PFKFB1: variants seen among roughly 807,000 people sequenced by gnomAD.
PFKFB1 encodes 6-phosphofructo-2-kinase/fructose-2,6-biphosphatase 1, also known as 6-phosphofructo-2-kinase/fructose-2,6-bisphosphatase 1.
PFKFB1 carries 34 observed loss-of-function variants against 46.4 expected under a neutral mutation model. That is an observed-to-expected ratio of 0.73 (90% CI 0.56 to 0.98). The LOEUF (loss-of-function observed/expected upper bound fraction) is 0.98, where lower values mean the gene tolerates loss of function less well. PFKFB1 is among the 50% of genes least tolerant of loss of function. The probability of loss-of-function intolerance (pLI) is 0.00; values close to 1 mark genes in which losing one functional copy is unlikely to be tolerated. For missense variants in PFKFB1, 393 were observed against 376.3 expected, an observed-to-expected ratio of 1.04 and a Z score of -0.37; for synonymous variants, 119 against 133.8, an observed-to-expected ratio of 0.89 and a Z score of 0.76.
intron 1 of PFKFB1, among the ~76,000 whole-genome samples, chrX:54,974,676 G>C (rs1354030065): frequency 2.7e-5 from 3 of 111,869 alleles, no homozygotes; most frequent in Non-Finnish European, 5.7e-5. Flanking sequence ...AACCAACAGA[G>C]TGGGAGAAAA....
At chrX:54,946,066 A>C (rs1025834016) in intron 9 of PFKFB1, among the ~76,000 whole-genome samples, 1 of 109,725 alleles carries the variant, frequency 9.1e-6, no homozygotes, top group East Asian at 2.9e-4. Flanking sequence ...GAATGTGTCC[A>C]TGTGGTCTTT....
chrX:54,976,657 T>C (rs1430978144), intron 1 of PFKFB1, among the ~76,000 whole-genome samples: 1 of 111,447 alleles, frequency 9.0e-6, no homozygotes, highest in Non-Finnish European at 1.9e-5. Context: ...GGAAGGGAAT[T>C]GAAAAATTAA....
intron 1 of PFKFB1, among the ~76,000 whole-genome samples, chrX:54,983,167 T>C (rs1020285168): frequency 8.9e-6 from 1 of 112,008 alleles, no homozygotes; most frequent in Non-Finnish European, 1.9e-5. Context: ...TATATTTTTA[T>C]TTTTTATTTT....
At chrX:54,988,162 A>G (rs1935152885) in intron 1 of PFKFB1, among the ~76,000 whole-genome samples, 1 of 111,862 alleles carries the variant, frequency 8.9e-6, no homozygotes, top group African/African-American at 3.2e-5. Context: ...ATATAAGATC[A>G]ATATATAAAA....
Position 54,933,857 on chromosome X carries a change from A to G in PFKFB1, c.1320T>C (p.Asn440=), listed in dbSNP as rs369293884. The G allele has an allele frequency of 8.3e-7, 1 of 1,209,795 alleles. No individual in the cohort carries two copies. Among genetic ancestry groups the G allele is most frequent in the South Asian group, 1.8e-5 (1 of 56,881 alleles). ...CCCGGTGTGTGTTCACGGCCTCCAC[A>G]TTCAGGTAGATGGATTCCACTTTGC... The part of the protein sequence containing the change: ...YGCKVESIYL[N]VEAVNTHREK... Residue 440 remains asparagine, a synonymous_variant, in exon 13 of 14, where the codon AAT becomes AAC. Coordinates refer to ENST00000375006, the MANE Select transcript of PFKFB1 (RefSeq NM_002625.4).
At chrX:54,988,111 A>C (rs1352573874) in intron 1 of PFKFB1, among the ~76,000 whole-genome samples, 1 of 111,809 alleles carries the variant, frequency 8.9e-6, no homozygotes, top group Non-Finnish European at 1.9e-5. Flanking sequence ...GCACTAAAAA[A>C]CACCATTGGA....
intron 1 of PFKFB1, among the ~76,000 whole-genome samples, chrX:54,984,942 C>G (rs1935078946): frequency 9.0e-6 from 1 of 110,829 alleles, no homozygotes; most frequent in Admixed American, 9.6e-5. Context: ...AGGTTCCACA[C>G]CAGGATAGGC....
chrX:54,974,944 TA>T (rs932615755), intron 1 of PFKFB1, among the ~76,000 whole-genome samples: 4 of 109,152 alleles, frequency 3.7e-5, no homozygotes, highest in African/African-American at 1.3e-4. Context: ...AATTTAAAAA[TA>T]AAAAAAAATA....
At chrX:54,944,146 A>G (rs1222400581) in intron 10 of PFKFB1, among the ~76,000 whole-genome samples, 1 of 111,764 alleles carries the variant, frequency 8.9e-6, no homozygotes, top group East Asian at 2.8e-4. Flanking sequence ...AATTATTATG[A>G]GTGATTTTGA....
At chrX:54,937,762 T>C (rs1431040588) in intron 10 of PFKFB1, 38 bp from the exon 11 acceptor site, 3 of 1,167,747 alleles carry the variant, frequency 2.6e-6, no homozygotes, top group Non-Finnish European at 3.5e-6. Context: ...GAAAGGAAGA[T>C]GAGGCACATT....
At chrX:54,943,245 C>T (rs1363894834) in intron 10 of PFKFB1, among the ~76,000 whole-genome samples, 3 of 111,131 alleles carry the variant, frequency 2.7e-5, no homozygotes, top group Non-Finnish European at 5.7e-5. Flanking sequence ...TAAAAGTAGC[C>T]AGAGAGGAAA....
chrX:54,986,677 A>C (rs1935121154), intron 1 of PFKFB1, among the ~76,000 whole-genome samples: 1 of 111,853 alleles, frequency 8.9e-6, no homozygotes, highest in Admixed American at 9.5e-5. Context: ...TTCAACACAA[A>C]GTAGTAATAA....
chrX:54,980,051 A>C (rs1934937460), intron 1 of PFKFB1, among the ~76,000 whole-genome samples: 2 of 110,948 alleles, frequency 1.8e-5, no homozygotes. Context: ...CAACCTTGTG[A>C]GTAAGTTGGA....
chrX:54,972,007 A>C (rs1326512830), intron 1 of PFKFB1, among the ~76,000 whole-genome samples: 2 of 110,993 alleles, frequency 1.8e-5, no homozygotes, highest in Non-Finnish European at 3.8e-5. Flanking sequence ...GTCCTCTTTT[A>C]TTTCATTGAG....
At chrX:54,936,706 G>C (rs1482273423) in intron 11 of PFKFB1, among the ~76,000 whole-genome samples, 2 of 111,895 alleles carry the variant, frequency 1.8e-5, no homozygotes, top group Non-Finnish European at 3.8e-5. Flanking sequence ...TTTCCAGTGA[G>C]GAAACTGAGG....
rs1157720743 is a variant in PFKFB1 at position 54,945,444 on chromosome X, C to T, written c.1093G>A (p.Gly365Arg). ...QDKYRYRYPK[G>R]ESYEDLVQRL... The stretch of plus-strand genomic sequence containing the variant: ...GGCCACCCCGCAAACCTTACCTCTC[C>T]CTTGGGATAGCGGTAGCGATATTTA... Residue 365 changes from glycine to arginine, a missense_variant, in exon 10 of 14, where the codon GGA becomes AGA. Coordinates refer to ENST00000375006, the MANE Select transcript of PFKFB1 (RefSeq NM_002625.4). 1 of 1,177,233 alleles carries T rather than the reference C, an allele frequency of 8.5e-7. No homozygotes were observed. Among genetic ancestry groups the T allele is most frequent in the South Asian group, 1.8e-5 (1 of 55,297 alleles).
chrX:54,934,397 G>T (rs1933318192), intron 12 of PFKFB1, among the ~76,000 whole-genome samples: 1 of 111,332 alleles, frequency 9.0e-6, no homozygotes, highest in Non-Finnish European at 1.9e-5. Flanking sequence ...TAGGAAACCT[G>T]AAGACGGATG....
chrX:54,995,963 A>G (rs996744032), upstream of PFKFB1, among the ~76,000 whole-genome samples: 3 of 112,571 alleles, frequency 2.7e-5, no homozygotes, highest in Non-Finnish European at 5.6e-5. Flanking sequence ...AAGACTTGCA[A>G]GATCATTTCA....
intron 1 of PFKFB1, among the ~76,000 whole-genome samples, chrX:54,964,138 GA>G (rs373526270): frequency 0.017 from 1,689 of 97,758 alleles, 27 homozygotes; most frequent in African/African-American, 0.053. Flanking sequence ...GGAGAAAATT[GA>G]AAAAAAAAAA....
Sources: allele counts gnomAD v4.1 joint callset (sites outside exome capture counted in the v4.1 genomes callset), GRCh38; gene constraint gnomAD v4.1.1; transcripts MANE v1.5; gene names NCBI Gene and HGNC (gene_info 2026-07-23, HGNC 2026-07-21).